The following EXT1 variants were observed in gnomAD, a reference collection of about 807,000 sequenced individuals.
EXT1 encodes the protein exostosin-1.
EXT1 carries 20 observed loss-of-function variants against 82.5 expected under a neutral mutation model. That is an observed-to-expected ratio of 0.24 (90% CI 0.17 to 0.35). The LOEUF is 0.35. EXT1 is among the 10% of genes least tolerant of loss of function. The pLI is 1.00. For missense variants in EXT1, 757 were observed against 936.5 expected, an observed-to-expected ratio of 0.81 and a Z score of 2.50; for synonymous variants, 348 against 350.8, an observed-to-expected ratio of 0.99 and a Z score of 0.09.
At chr8:118,033,532 G>A (rs1250863915) in intron 1 of EXT1, among the ~76,000 whole-genome samples, 3 of 152,208 alleles carry the variant, frequency 2.0e-5, no homozygotes, top group African/African-American at 7.2e-5. Context: ...AAGCTGGAGT[G>A]CAGTGGCATG....
chr8:117,934,318 C>T (rs950378672), intron 1 of EXT1, among the ~76,000 whole-genome samples: 1 of 152,032 alleles, frequency 6.6e-6, no homozygotes, highest in Admixed American at 6.5e-5. Flanking sequence ...TCCAGGGAGG[C>T]AGAGGGATAG....
chr8:118,044,842 C>T (rs1816596822), intron 1 of EXT1, among the ~76,000 whole-genome samples: 1 of 152,196 alleles, frequency 6.6e-6, no homozygotes, highest in Non-Finnish European at 1.5e-5. Flanking sequence ...CTTTTGTAAA[C>T]AAAGTTTTAT....
intron 1 of EXT1, among the ~76,000 whole-genome samples, chr8:117,949,006 T>C (rs1038027936): frequency 1.3e-5 from 2 of 152,246 alleles, no homozygotes; most frequent in African/African-American, 4.8e-5. Context: ...GGAAGACAAC[T>C]CTATTCCAAC....
At chr8:117,873,899 T>C (rs986320810) in intron 1 of EXT1, among the ~76,000 whole-genome samples, 3 of 152,256 alleles carry the variant, frequency 2.0e-5, no homozygotes, top group African/African-American at 7.2e-5. Context: ...TTGTTTAAAA[T>C]GCCAACAAAA....
intron 1 of EXT1, among the ~76,000 whole-genome samples, chr8:117,955,785 G>C (rs149222659): frequency 1.3e-5 from 2 of 152,234 alleles, no homozygotes; most frequent in East Asian, 3.9e-4. Context: ...TCTAACTCCT[G>C]GCCTGAAGCA....
At chr8:117,958,828 T>C (rs1325066487) in intron 1 of EXT1, among the ~76,000 whole-genome samples, 2 of 152,206 alleles carry the variant, frequency 1.3e-5, no homozygotes, top group African/African-American at 4.8e-5. Flanking sequence ...TGAAAACAGA[T>C]TCAAGGCCTT....
At chr8:117,937,792 G>A (rs1180556495) in intron 1 of EXT1, among the ~76,000 whole-genome samples, 1 of 152,216 alleles carries the variant, frequency 6.6e-6, no homozygotes, top group Non-Finnish European at 1.5e-5. Context: ...AAAAGAGTGT[G>A]TGAATGTGTG....
intron 5 of EXT1, 95 bp from the exon 6 acceptor site, chr8:117,819,889 A>G: frequency 8.7e-7 from 1 of 1,143,020 alleles, no homozygotes; most frequent in Non-Finnish European, 1.3e-6. Flanking sequence ...GCTGGAGCAA[A>G]TGTTCCCTCC....
intron 1 of EXT1, among the ~76,000 whole-genome samples, chr8:118,040,965 G>A (rs1297941605): frequency 6.6e-6 from 1 of 152,204 alleles, no homozygotes. Flanking sequence ...TCACATTACT[G>A]CAGGGGACCC....
chr8:117,936,747 C>T (rs1370123610), intron 1 of EXT1, among the ~76,000 whole-genome samples: 1 of 152,066 alleles, frequency 6.6e-6, no homozygotes, highest in Non-Finnish European at 1.5e-5. Flanking sequence ...TGGTGGCACG[C>T]ACCTGTAATC....
At chr8:118,099,948 G>T (rs1345529313) in intron 1 of EXT1, among the ~76,000 whole-genome samples, 2 of 152,100 alleles carry the variant, frequency 1.3e-5, no homozygotes, top group Non-Finnish European at 2.9e-5. Flanking sequence ...AGCAACTTTG[G>T]GCTGTTTTCA....
chr8:118,082,819 TG>T (rs1817355493), intron 1 of EXT1, among the ~76,000 whole-genome samples: 1 of 152,222 alleles, frequency 6.6e-6, no homozygotes, highest in African/African-American at 2.4e-5. Flanking sequence ...AAATCTCTGC[TG>T]GTCTTCTGGA....
At chr8:117,940,461 A>G (rs1814249444) in intron 1 of EXT1, among the ~76,000 whole-genome samples, 2 of 152,242 alleles carry the variant, frequency 1.3e-5, no homozygotes, top group Non-Finnish European at 2.9e-5. Context: ...AGCACTAGGC[A>G]TCAAGGAAGG....
chr8:118,105,922 A>G lies in EXT1; in HGVS notation c.962+4163T>C, dbSNP rs938486005. 3.3e-5 allele frequency among the ~76,000 whole-genome samples: 5 copies of G among 152,240 alleles called. 1 individual carries two copies. The highest frequency in any genetic ancestry group is 7.3e-5 in the Non-Finnish European group (5 of 68,052). On this transcript the variant is annotated intron_variant, in intron 1 of 10. Transcript: ENST00000378204. ...CTTGCACATATTTTCTTTTTGCTGT[A>G]AGTGCATGTAATTCAACTTATTGTT...
At chr8:117,918,458 A>G (rs934797953) in intron 1 of EXT1, among the ~76,000 whole-genome samples, 1 of 152,156 alleles carries the variant, frequency 6.6e-6, no homozygotes, top group Non-Finnish European at 1.5e-5. Context: ...CCCTTCCCTG[A>G]TTGCATTTGC....
intron 10 of EXT1, among the ~76,000 whole-genome samples, chr8:117,803,223 C>T (rs1823192165): frequency 6.6e-6 from 1 of 151,872 alleles, no homozygotes; most frequent in African/African-American, 2.4e-5. Flanking sequence ...GAGACAGAGC[C>T]TTGTTCTGTC....
intron 1 of EXT1, among the ~76,000 whole-genome samples, chr8:118,041,161 G>T (rs970688604): frequency 1.3e-5 from 2 of 152,176 alleles, no homozygotes; most frequent in Non-Finnish European, 2.9e-5. Flanking sequence ...CTTTAAAAAG[G>T]AGTCCTCAAG....
intron 8 of EXT1, among the ~76,000 whole-genome samples, chr8:117,811,905 C>T (rs111348552): frequency 0.026 from 3,973 of 152,234 alleles, 143 homozygotes; most frequent in African/African-American, 0.08. Flanking sequence ...TGAGCCACCG[C>T]GTCAGGCCAC....
At chr8:117,899,017 C>T (rs908710381) in intron 1 of EXT1, among the ~76,000 whole-genome samples, 2 of 152,054 alleles carry the variant, frequency 1.3e-5, no homozygotes, top group African/African-American at 4.8e-5. Flanking sequence ...GATAATAAAG[C>T]TTTCACTACT....
Sources: gnomAD v4.1 joint callset for allele counts (sites outside exome capture counted in the v4.1 genomes callset) on GRCh38, gnomAD v4.1.1 for gene constraint, MANE v1.5 for transcripts, NCBI Gene and HGNC (gene_info 2026-07-23, HGNC 2026-07-21) for gene names.